The following INCENP variants were observed in gnomAD, a reference collection of about 807,000 sequenced individuals.
INCENP encodes the protein inner centromere protein.
In INCENP, 43 loss-of-function variants were observed where a neutral mutation model predicts 107.3. The ratio of observed to expected loss-of-function variants is 0.40; its 90% CI spans 0.31 to 0.52. The LOEUF is 0.52. INCENP is among the 20% of genes least tolerant of loss of function. The pLI, the probability that INCENP is intolerant of heterozygous loss-of-function variation, is 0.53. For missense variants in INCENP, 1,089 were observed against 1,250.9 expected (o/e 0.87, Z 1.95); for synonymous variants, 488 against 494.4 (o/e 0.99, Z 0.17).
rs1185529419 is a variant in INCENP, at chr11:62,130,222, C to T, written c.695C>T (p.Thr232Ile). The T allele has an allele frequency of 1.9e-6, 3 of 1,613,844 alleles. No homozygotes were observed. The highest frequency in any genetic ancestry group is 2.5e-6 in the Non-Finnish European group (3 of 1,179,982). The change falls in exon 4 of 19, where the codon ACA becomes ATA. Residue 232 changes from threonine (T) to isoleucine (I), a missense_variant. Transcript: ENST00000394818. ...KSKARILESI[T>I]VSSLMATPQD... ...AAGGCCAGGATACTGGAGTCCATCA[C>T]AGTGAGCTCCCTGATGGCTACACCC... is the stretch of plus-strand genomic sequence containing the variant.
chr11:62,136,205 C>T (rs1943990535), intron 4 of INCENP, among the ~76,000 whole-genome samples: 1 of 152,168 alleles, frequency 6.6e-6, no homozygotes, highest in African/African-American at 2.4e-5. Context: ...ACTGAATAAC[C>T]ATTGTCAGTC....
At chr11:62,124,300 C>T (rs1792953) in intron 1 of INCENP, 137 bp downstream of exon 1, 3,320 of 152,486 alleles carry the variant, frequency 0.022, 119 homozygotes, top group African/African-American at 0.076. Flanking sequence ...ATGAGGGTCA[C>T]CTCTTCCAAG....
rs933400813 is a variant in INCENP at position 62,150,134 on chromosome 11, G to T, written c.2469G>T (p.Gly823=). ...CCAAGATCAACCCAGATAACTACGG[G>T]ATGGATCTGAATAGCGACGACTCCA... The part of the protein sequence containing the change: ...APPKINPDNY[G]MDLNSDDSTD... The change falls in exon 18 of 19, where the codon GGG becomes GGT. Residue 823 remains glycine, a synonymous_variant. Transcript: ENST00000394818. 2.5e-6 allele frequency: 4 copies of T among 1,614,102 alleles called. No homozygotes were observed. Among genetic ancestry groups the T allele is most frequent in the African/African-American group, 2.7e-5 (2 of 75,032 alleles).
In INCENP at chr11:62,128,178, C is replaced by T. The variant is rs1476805654; in HGVS notation, c.17C>T (p.Pro6Leu). ...AGAGCCACCATGGGGACGACGGCCC[C>T]AGGGCCCATTCACCTGCTGGAGCTA... MGTTA[P>L]GPIHLLELCD... Residue 6 changes from proline to leucine, a missense_variant, in exon 2 of 19, where the codon CCA (proline) becomes CTA (leucine). By Grantham distance (98) the Pro-to-Leu change is moderately conservative. Coordinates refer to ENST00000394818, the MANE Select transcript of INCENP (RefSeq NM_001040694.2). 3 of 1,614,176 alleles carry T rather than the reference C, an allele frequency of 1.9e-6. No homozygotes were observed. Among genetic ancestry groups the T allele is most frequent in the Non-Finnish European group, 2.5e-6 (3 of 1,180,028 alleles).
chr11:62,140,268 G>A lies in INCENP; in HGVS notation c.1326G>A (p.Glu442=). The part of the protein sequence containing the change: ...AKTDQADGPR[E]PPQSARRKRS... ...CGGACCAAGCAGATGGACCCAGAGA[G>A]CCACCGCAGAGTGCCAGGTTTGCAT... Residue 442 remains glutamate, a synonymous_variant, in exon 8 of 19, where the codon GAG becomes GAA. Transcript: ENST00000394818. The A allele has an allele frequency of 6.2e-7, 1 of 1,613,764 alleles. No homozygotes were observed. The highest frequency in any genetic ancestry group is 8.5e-7 in the Non-Finnish European group (1 of 1,179,896).
chr11:62,146,793 G>C lies in INCENP; in HGVS notation c.2095G>C (p.Glu699Gln). The C allele has an allele frequency of 6.5e-7, 1 of 1,533,004 alleles. No homozygotes were observed. The highest frequency in any genetic ancestry group is 8.8e-7 in the Non-Finnish European group (1 of 1,137,458). 95.0% of individuals were successfully genotyped at this position (1,533,004 alleles called of 1,614,324 possible). Reference sequence around the variant, plus strand: ...GGAGCGGCGGGAGCAGGAGCGGCGCGAGCAGGAGCGGCGCGAGCAGGAGCG... The same window carrying C: ...GGAGCGGCGGGAGCAGGAGCGGCGCCAGCAGGAGCGGCGCGAGCAGGAGCG... ...EQERREQERR[E>Q]QERREQERRE... Residue 699 changes from glutamate (E) to glutamine (Q), a missense_variant, in exon 15 of 19, where the codon GAG becomes CAG. Glu to Gln is a conservative substitution (Grantham distance 29). Coordinates refer to ENST00000394818, the MANE Select transcript of INCENP (RefSeq NM_001040694.2).
Position 62,138,762 on chromosome 11 carries a change from G to A in INCENP, c.1165G>A (p.Glu389Lys). The A allele has an allele frequency of 1.9e-6, 3 of 1,614,072 alleles. No homozygotes were observed. The highest frequency in any genetic ancestry group is 2.2e-5 in the South Asian group (2 of 91,090). Reference protein sequence around the residue: ...PEEAEPVAAAEPEVPENNGNN... With the variant: ...PEEAEPVAAAKPEVPENNGNN... ...GGAGGCTGAGCCTGTGGCGGCAGCT[G>A]AGCCAGAGGTAAGACGGCTGCCTGG... is the stretch of plus-strand genomic sequence containing the variant. The change falls in exon 6 of 19, where the codon GAG (glutamate) becomes AAG (lysine). Residue 389 changes from glutamate to lysine, a missense_variant. By Grantham distance (56) the Glu-to-Lys change is moderately conservative. Coordinates refer to ENST00000394818, the MANE Select transcript of INCENP (RefSeq NM_001040694.2).
chr11:62,130,618 G>T, intron 4 of INCENP, 28 bp downstream of exon 4: 1 of 1,579,522 alleles, frequency 6.3e-7, no homozygotes, highest in Non-Finnish European at 8.6e-7. Context: ...GCAGTGGCGG[G>T]TGGTCCTTGG....
intron 4 of INCENP, among the ~76,000 whole-genome samples, chr11:62,135,799 C>A (rs565176314): frequency 1.3e-5 from 2 of 152,106 alleles, no homozygotes; most frequent in East Asian, 3.9e-4. Flanking sequence ...CTCTTGGATT[C>A]GTTTTGGCTC....
chr11:62,146,630 C>T (rs1306094356), intron 14 of INCENP, 28 bp from the exon 15 acceptor site: 1 of 1,549,494 alleles, frequency 6.5e-7, no homozygotes, highest in Non-Finnish European at 8.7e-7. Context: ...GGCCTGGCCG[C>T]AGCACCTGAC....
At position 62,152,259 on chromosome 11, in the gene INCENP, A is replaced by C. The variant is rs1332816790; in HGVS notation, c.*283A>C. On this transcript the variant is annotated 3_prime_UTR_variant, in exon 19 of 19. Coordinates refer to ENST00000394818, the MANE Select transcript of INCENP (RefSeq NM_001040694.2). Reference sequence around the variant, plus strand: ...GTAAATAGTTGTTTTAATTTAGCTGAATGTTAGCATTTTAGTCTTTGGCAT... The same window carrying C: ...GTAAATAGTTGTTTTAATTTAGCTGCATGTTAGCATTTTAGTCTTTGGCAT... 2.1e-6 allele frequency: 1 copy of C among 469,952 alleles called. No homozygotes were observed. The highest frequency in any genetic ancestry group is 3.9e-5 in the Admixed American group (1 of 25,750). 29.1% of individuals were successfully genotyped at this position (469,952 alleles called of 1,614,324 possible). A position where few individuals can be genotyped will look rare whatever the true frequency, so the allele number is the denominator to read the frequency against.
intron 15 of INCENP, among the ~76,000 whole-genome samples, chr11:62,147,636 C>G (rs1023593628): frequency 3.3e-5 from 5 of 152,194 alleles, no homozygotes; most frequent in African/African-American, 1.2e-4. Context: ...CTCTCCCGCT[C>G]TACCTCCTGG....
At position 62,152,006 on chromosome 11, in the gene INCENP, G is replaced by A. The variant is rs1792896; in HGVS notation, c.*30G>A. On this transcript the variant is annotated 3_prime_UTR_variant, in exon 19 of 19. Transcript: ENST00000394818. ...GGCCTGCGGCCTTCTTGGCAGCCTCGCCTCCTGTCCATGTCTATCTGTCTG... is the reference window on the plus strand; with the variant it reads ...GGCCTGCGGCCTTCTTGGCAGCCTCACCTCCTGTCCATGTCTATCTGTCTG... 4.2e-3 allele frequency: 6,291 copies of A among 1,510,730 alleles called. 221 individuals are homozygous for A. The African/African-American group carries it at 0.076, about 18-fold the overall frequency. The allele number at this position is 1,510,730 out of a possible 1,614,324, so 93.6% of individuals were successfully genotyped here.
intron 11 of INCENP, among the ~76,000 whole-genome samples, chr11:62,143,017 CA>C (rs1275874451): frequency 1.1e-4 from 15 of 131,894 alleles, no homozygotes; most frequent in African/African-American, 3.8e-4. Flanking sequence ...GGCCACCTGC[CA>C]GGGGGACAGG....
At chr11:62,128,931 G>T (rs756460993) in intron 3 of INCENP, 48 bp downstream of exon 3, 12 of 1,239,658 alleles carry the variant, frequency 9.7e-6, no homozygotes, top group East Asian at 7.0e-5. Context: ...CTCTGCGGAG[G>T]CTTGGTGCCA....
Position 62,146,766 on chromosome 11 carries a change from C to T in INCENP, c.2068C>T (p.Gln690Ter). The T allele has an allele frequency of 1.3e-6, 2 of 1,539,590 alleles. No individual in the cohort carries two copies. Among genetic ancestry groups the T allele is most frequent in the Non-Finnish European group, 1.8e-6 (2 of 1,140,786 alleles). The change falls in exon 15 of 19, where the codon CAG (glutamine) becomes TAG (stop). Residue 690 changes from glutamine (Q) to a stop codon, truncating the protein, a stop_gained. Coordinates refer to ENST00000394818, the MANE Select transcript of INCENP (RefSeq NM_001040694.2). LOFTEE classifies it high-confidence loss of function. Reference sequence around the variant, plus strand: ...TAAGCGGCTGGCAGAGCAGCGGGAGCAGGAGCGGCGGGAGCAGGAGCGGCG... The same window carrying T: ...TAAGCGGCTGGCAGAGCAGCGGGAGTAGGAGCGGCGGGAGCAGGAGCGGCG... ...EAKRLAEQRE[Q>*]ERREQERREQ...
intron 17 of INCENP, among the ~76,000 whole-genome samples, chr11:62,149,357 C>A (rs1944324301): frequency 6.6e-6 from 1 of 152,164 alleles, no homozygotes; most frequent in South Asian, 2.1e-4. Context: ...TGCTGGAATT[C>A]AGCCGGCTCC....
chr11:62,149,400 C>G (rs976710662), intron 17 of INCENP, among the ~76,000 whole-genome samples: 8 of 152,224 alleles, frequency 5.3e-5, no homozygotes, highest in Non-Finnish European at 1.0e-4. Context: ...TTTCACTTCA[C>G]TGCTGTTACC....
intron 15 of INCENP, 29 bp from the exon 16 acceptor site, chr11:62,148,447 G>T (rs920627440): frequency 5.1e-6 from 8 of 1,583,898 alleles, no homozygotes; most frequent in Non-Finnish European, 6.0e-6. Flanking sequence ...TCCACTTCCT[G>T]TCCTAACAGG....
Sources: allele counts gnomAD v4.1 joint callset (sites outside exome capture counted in the v4.1 genomes callset), GRCh38; gene constraint gnomAD v4.1.1; transcripts MANE v1.5; gene names NCBI Gene and HGNC (gene_info 2026-07-23, HGNC 2026-07-21).